MYLK: variants seen among roughly 807,000 people sequenced by gnomAD.
MYLK encodes myosin light chain kinase, smooth muscle.
In MYLK, 106 loss-of-function variants were observed where a neutral mutation model predicts 203.4. The ratio of observed to expected loss-of-function variants is 0.52; its 90% CI spans 0.45 to 0.61. MYLK has a LOEUF of 0.61. MYLK is among the 20% of genes least tolerant of loss of function. The pLI is 0.00. For missense variants in MYLK, 2,072 were observed against 2,442.3 expected (o/e 0.85, Z 3.20); for synonymous variants, 867 against 959.5 (o/e 0.90, Z 1.78).
chr3:123,764,312 A>AG (rs1560188353), intron 4 of MYLK, among the ~76,000 whole-genome samples: 72 of 152,320 alleles, frequency 4.7e-4, no homozygotes, highest in African/African-American at 1.5e-3. Context: ...GGAAATACAA[A>AG]GTTCCAGGTG....
chr3:123,620,103 TTAAAA>T (rs1311332107), intron 32 of MYLK, 99 bp downstream of exon 32: 17 of 1,022,262 alleles, frequency 1.7e-5, no homozygotes, highest in Non-Finnish European at 2.3e-5. Context: ...GCAGGGAATA[TTAAAA>T]TAAAAAAAAA....
rs143098491 is a variant in MYLK at position 123,808,115 on chromosome 3, G to A, written c.-3-14271C>T. Among the ~76,000 whole-genome samples the A allele has an allele frequency of 1.1e-3, 170 of 152,288 alleles. 1 individual carries two copies. The East Asian group carries it at 0.031, about 28-fold the overall frequency. ...CGACAGTCAGGCCCAGACACAGCCC[G>A]GCTCTTCCTCCAGCCTCCTTCACCC... On this transcript the variant is annotated intron_variant, in intron 3 of 33. Coordinates refer to ENST00000360304, the MANE Select transcript of MYLK (RefSeq NM_053025.4).
chr3:123,786,517 A>AGGGTGG (rs2064532239), intron 4 of MYLK, among the ~76,000 whole-genome samples: 1 of 20,144 alleles, frequency 5.0e-5, no homozygotes, highest in African/African-American at 2.2e-4. Flanking sequence ...GGGTAGTGGG[A>AGGGTGG]GGGTGGGGGT....
intron 2 of MYLK, among the ~76,000 whole-genome samples, chr3:123,860,310 CA>C (rs998635544): frequency 1.3e-5 from 2 of 152,206 alleles, no homozygotes; most frequent in Admixed American, 6.5e-5. Flanking sequence ...ACCCTGTGTA[CA>C]AGGCCTGCGT....
chr3:123,736,343 G>A (rs1053727275), intron 8 of MYLK, among the ~76,000 whole-genome samples: 5 of 152,134 alleles, frequency 3.3e-5, no homozygotes, highest in Admixed American at 6.6e-5. Flanking sequence ...AAGATGAATC[G>A]TTTCTAAGAA....
intron 2 of MYLK, among the ~76,000 whole-genome samples, chr3:123,838,605 T>C (rs1237220720): frequency 6.6e-6 from 1 of 151,958 alleles, no homozygotes; most frequent in Admixed American, 6.6e-5. Flanking sequence ...AAAAGAAAAA[T>C]GCATAACAAC....
chr3:123,744,452 A>G (rs567926432), intron 5 of MYLK, among the ~76,000 whole-genome samples: 2 of 152,372 alleles, frequency 1.3e-5, no homozygotes, highest in South Asian at 4.1e-4. Context: ...ATTATATAAA[A>G]AAGAAAGAAG....
At chr3:123,705,862 G>A (rs1055005483) in intron 16 of MYLK, among the ~76,000 whole-genome samples, 4 of 152,260 alleles carry the variant, frequency 2.6e-5, no homozygotes, top group Middle Eastern at 3.4e-3. Context: ...CTTGAGTAAT[G>A]TAAGTATTAT....
rs746327636 is a variant in MYLK, at chr3:123,618,690, C to T, written c.5449G>A (p.Asp1817Asn). 8.7e-6 allele frequency: 14 copies of T among 1,614,034 alleles called. No homozygotes were observed. Among genetic ancestry groups the T allele is most frequent in the South Asian group, 3.3e-5 (3 of 91,080 alleles). ...GCACTTCCCTCCACAACTTCTAAAT[C>T]GCGAATGGTCTTAGAGAAATAGGGT... ...VKPYFSKTIR[D>N]LEVVEGSAAR... The change falls in exon 33 of 34, where the codon GAT becomes AAT. Residue 1817 changes from aspartate to asparagine, a missense_variant. Physicochemically the swap from Asp to Asn is conservative, Grantham distance 23. Coordinates refer to ENST00000360304, the MANE Select transcript of MYLK (RefSeq NM_053025.4).
At chr3:123,824,062 C>T (rs568070313) in intron 3 of MYLK, among the ~76,000 whole-genome samples, 1 of 152,100 alleles carries the variant, frequency 6.6e-6, no homozygotes, top group East Asian at 1.9e-4. Flanking sequence ...CTCTTCATCC[C>T]CTTATGCTCC....
At chr3:123,667,247 G>C in intron 20 of MYLK, 60 bp from the exon 21 acceptor site, 1 of 1,535,276 alleles carries the variant, frequency 6.5e-7, no homozygotes, top group Non-Finnish European at 9.0e-7. Context: ...CAAAGCTCCT[G>C]ATCCTAGGAA....
chr3:123,774,571 T>C (rs1335722751), intron 4 of MYLK, among the ~76,000 whole-genome samples: 1 of 152,116 alleles, frequency 6.6e-6, no homozygotes, highest in African/African-American at 2.4e-5. Context: ...GCTCACTACT[T>C]TTCAGGGGAG....
intron 28 of MYLK, chr3:123,638,813 G>C: frequency 5.1e-6 from 5 of 985,444 alleles, no homozygotes; most frequent in Non-Finnish European, 6.0e-6. Context: ...AGTCGGGAGA[G>C]GCTTCAACCC....
At chr3:123,798,810 A>G (rs928226037) in intron 3 of MYLK, among the ~76,000 whole-genome samples, 6 of 152,128 alleles carry the variant, frequency 3.9e-5, no homozygotes, top group African/African-American at 1.4e-4. Flanking sequence ...CGCCCCACCC[A>G]CTGCCATCAT....
intron 3 of MYLK, among the ~76,000 whole-genome samples, chr3:123,823,754 C>A (rs984802227): frequency 3.3e-5 from 5 of 152,204 alleles, no homozygotes; most frequent in African/African-American, 1.2e-4. Context: ...TTACCATGGC[C>A]TACACGGCCC....
intron 4 of MYLK, among the ~76,000 whole-genome samples, chr3:123,777,770 A>T (rs1280137806): frequency 6.6e-6 from 1 of 152,172 alleles, no homozygotes; most frequent in African/African-American, 2.4e-5. Flanking sequence ...CTGCCCAAAA[A>T]GCATCTCCTG....
At chr3:123,709,562 T>A in intron 14 of MYLK, 194 bp downstream of exon 14, 1 of 705,138 alleles carries the variant, frequency 1.4e-6, no homozygotes, top group Non-Finnish European at 2.5e-6. Flanking sequence ...CATTTAATCA[T>A]GAATCCAGAA....
chr3:123,768,411 C>G (rs2063771309), intron 4 of MYLK, among the ~76,000 whole-genome samples: 1 of 152,198 alleles, frequency 6.6e-6, no homozygotes, highest in African/African-American at 2.4e-5. Flanking sequence ...GCACTGACTG[C>G]TCAGCTATGT....
intron 31 of MYLK, among the ~76,000 whole-genome samples, chr3:123,625,725 G>A (rs2058112211): frequency 6.8e-6 from 1 of 146,918 alleles, no homozygotes; most frequent in South Asian, 2.2e-4. Context: ...GGAGAATGGT[G>A]TGACCCGGGA....
Sources: allele counts gnomAD v4.1 joint callset (sites outside exome capture counted in the v4.1 genomes callset), GRCh38; gene constraint gnomAD v4.1.1; transcripts MANE v1.5; gene names NCBI Gene and HGNC (gene_info 2026-07-23, HGNC 2026-07-21).